TMPRSS15: variants seen among roughly 807,000 people sequenced by gnomAD.
TMPRSS15 encodes enteropeptidase.
A neutral mutation model predicts 125.3 loss-of-function variants in TMPRSS15; 128 were observed. The ratio of observed to expected loss-of-function variants is 1.02; its 90% CI spans 0.89 to 1.18. The LOEUF is 1.18. Among genes scored for constraint, TMPRSS15 ranks in the 50% most tolerant of loss-of-function variants. TMPRSS15 has a pLI of 0.00. For synonymous variants in TMPRSS15, 446 were observed against 423.2 expected (o/e 1.05, Z -0.66); for missense variants, 1,283 against 1,212.7 (o/e 1.06, Z -0.86).
chr21:18,466,336 C>T (rs976295333), intron 1 of TMPRSS15, among the ~76,000 whole-genome samples: 1 of 152,058 alleles, frequency 6.6e-6, no homozygotes, highest in Non-Finnish European at 1.5e-5. Context: ...CATTACCATT[C>T]AGGACATAGG....
intron 1 of TMPRSS15, among the ~76,000 whole-genome samples, chr21:18,401,585 G>C (rs1273176741): frequency 6.6e-6 from 1 of 152,114 alleles, no homozygotes; most frequent in Non-Finnish European, 1.5e-5. Context: ...TACCAGAAGG[G>C]GAAAGTGGGA....
chr21:18,358,819 TGA>T (rs2075651120), intron 8 of TMPRSS15, among the ~76,000 whole-genome samples: 1 of 152,074 alleles, frequency 6.6e-6, no homozygotes, highest in African/African-American at 2.4e-5. Context: ...CTAATAAAAA[TGA>T]GATATTATTA....
At chr21:18,327,532 C>T (rs1173291519) in intron 15 of TMPRSS15, among the ~76,000 whole-genome samples, 2 of 152,130 alleles carry the variant, frequency 1.3e-5, no homozygotes, top group Non-Finnish European at 2.9e-5. Context: ...TAGAATTCTA[C>T]ATAAGGGTTG....
At chr21:18,384,545 G>A (rs750102027) in intron 3 of TMPRSS15, among the ~76,000 whole-genome samples, 153 of 152,194 alleles carry the variant, frequency 1.0e-3, no homozygotes, top group Admixed American at 2.2e-3. Flanking sequence ...TAAAGAAAGA[G>A]AAAAATGAAT....
At chr21:18,315,370 T>C (rs1396235697) in intron 16 of TMPRSS15, 114 bp from the exon 17 acceptor site, 7 of 824,794 alleles carry the variant, frequency 8.5e-6, no homozygotes, top group African/African-American at 6.8e-5. Flanking sequence ...CAGCTCAAGG[T>C]GGAACCAGCT....
At chr21:18,342,476 G>A (rs997514292) in intron 12 of TMPRSS15, among the ~76,000 whole-genome samples, 15 of 152,184 alleles carry the variant, frequency 9.9e-5, no homozygotes, top group East Asian at 3.9e-4. Flanking sequence ...CAAAGTGCAC[G>A]TATCTGTAGA....
intron 8 of TMPRSS15, among the ~76,000 whole-genome samples, chr21:18,357,744 C>T (rs2075639866): frequency 6.6e-6 from 1 of 151,686 alleles, no homozygotes; most frequent in Non-Finnish European, 1.5e-5. Context: ...ATTGATTATA[C>T]ACTATAATAC....
chr21:18,279,311 CTTTTTTTTTTTTTTT>C (rs71189593), intron 22 of TMPRSS15, among the ~76,000 whole-genome samples: 788 of 41,154 alleles, frequency 0.019, 16 homozygotes, highest in African/African-American at 0.049. Context: ...CCTCGTTACT[CTTTTTTTTTTTTTTT>C]TTTTTTTTTT....
At chr21:18,449,945 A>C (rs1429240471) in intron 1 of TMPRSS15, among the ~76,000 whole-genome samples, 4 of 151,986 alleles carry the variant, frequency 2.6e-5, no homozygotes, top group Non-Finnish European at 5.9e-5. Context: ...AAACACATAA[A>C]AAAGAAGATA....
intron 10 of TMPRSS15, among the ~76,000 whole-genome samples, chr21:18,349,289 C>A (rs956530856): frequency 2.6e-5 from 4 of 152,190 alleles, no homozygotes; most frequent in African/African-American, 9.7e-5. Flanking sequence ...CTCAACACCA[C>A]CTTCTTGACC....
At chr21:18,398,727 C>A (rs2076065823) in intron 1 of TMPRSS15, among the ~76,000 whole-genome samples, 1 of 152,056 alleles carries the variant, frequency 6.6e-6, no homozygotes, top group South Asian at 2.1e-4. Flanking sequence ...TTTGTAGTTG[C>A]TTTCAGATAC....
intron 1 of TMPRSS15, among the ~76,000 whole-genome samples, chr21:18,478,879 A>G (rs928082226): frequency 6.6e-6 from 1 of 151,962 alleles, no homozygotes; most frequent in Non-Finnish European, 1.5e-5. Flanking sequence ...CTATTTCTCT[A>G]CTATAAAATT....
chr21:18,435,647 A>G (rs887960124), intron 1 of TMPRSS15, among the ~76,000 whole-genome samples: 3 of 152,164 alleles, frequency 2.0e-5, no homozygotes, highest in Non-Finnish European at 4.4e-5. Context: ...TGGCCTCATA[A>G]AATGAGTTAG....
At chr21:18,360,920 T>C (rs1186635658) in intron 7 of TMPRSS15, among the ~76,000 whole-genome samples, 27 of 152,152 alleles carry the variant, frequency 1.8e-4, no homozygotes, top group Admixed American at 1.8e-3. Context: ...ATATTGTTCA[T>C]ACCATCAAGA....
At chr21:18,291,781 A>G (rs2074838521) in intron 21 of TMPRSS15, among the ~76,000 whole-genome samples, 1 of 152,214 alleles carries the variant, frequency 6.6e-6, no homozygotes, top group South Asian at 2.1e-4. Context: ...TTGAATGCCT[A>G]AGGAGAGTAA....
At chr21:18,386,065 A>C (rs1360653169) in intron 3 of TMPRSS15, among the ~76,000 whole-genome samples, 1 of 152,134 alleles carries the variant, frequency 6.6e-6, no homozygotes, top group Non-Finnish European at 1.5e-5. Context: ...TTTTTAAGGC[A>C]CTTTTAGTCA....
chr21:18,364,399 G>A (rs560486857), intron 7 of TMPRSS15, among the ~76,000 whole-genome samples: 31 of 152,186 alleles, frequency 2.0e-4, no homozygotes, highest in Admixed American at 1.3e-3. Context: ...TACATCGCAT[G>A]TTAACATATT....
In TMPRSS15 at chr21:18,355,826, A is replaced by G. The variant is rs571153961; in HGVS notation, c.881-1963T>C. Among the ~76,000 whole-genome samples, 235 of 151,944 alleles carry G rather than the reference A, an allele frequency of 1.5e-3. 1 individual carries two copies. The highest frequency in any genetic ancestry group is 4.9e-3 in the African/African-American group (205 of 41,526). On this transcript the variant is annotated intron_variant, in intron 8 of 24. Transcript: ENST00000284885. ...GGTTGTAAACCTTGAAAAGGATGAG[A>G]TCATGACTTAATGCTTTCTGTGCCT... is the stretch of plus-strand genomic sequence containing the variant.
At chr21:18,440,433 A>T (rs1478545223) in intron 1 of TMPRSS15, among the ~76,000 whole-genome samples, 1 of 151,256 alleles carries the variant, frequency 6.6e-6, no homozygotes. Context: ...CAATATAAAG[A>T]GTCTATGTAA....
Sources: allele counts gnomAD v4.1 joint callset (sites outside exome capture counted in the v4.1 genomes callset), GRCh38; gene constraint gnomAD v4.1.1; transcripts MANE v1.5; gene names NCBI Gene and HGNC (gene_info 2026-07-23, HGNC 2026-07-21).